CACHD1: variants seen among roughly 807,000 people sequenced by gnomAD.
CACHD1 encodes the protein cache domain containing 1, also known as VWFA and cache domain-containing protein 1.
Under a neutral mutation model 138.7 loss-of-function variants are expected in CACHD1, and 71 were observed. The observed-to-expected ratio is 0.51, with a 90% CI of 0.42 to 0.62. The LOEUF (loss-of-function observed/expected upper bound fraction) is 0.62. CACHD1 is among the 20% of genes least tolerant of loss of function. The pLI, the probability that CACHD1 is intolerant of heterozygous loss-of-function variation, is 0.00. For synonymous variants in CACHD1, 578 were observed against 591.5 expected, an observed-to-expected ratio of 0.98 and a Z score of 0.33; for missense variants, 1,389 against 1,625.3, an observed-to-expected ratio of 0.85 and a Z score of 2.50.
At chr1:64,582,827 A>G (rs1307266189) in intron 3 of CACHD1, among the ~76,000 whole-genome samples, 1 of 152,148 alleles carries the variant, frequency 6.6e-6, no homozygotes, top group Non-Finnish European at 1.5e-5. Flanking sequence ...CTGGAGGGGT[A>G]TAGGGCTATG....
At chr1:64,672,891 A>G (rs537096664) in intron 17 of CACHD1, among the ~76,000 whole-genome samples, 1 of 152,248 alleles carries the variant, frequency 6.6e-6, no homozygotes, top group South Asian at 2.1e-4. Flanking sequence ...GGACTGGGTG[A>G]GCGCATTCTG....
intron 10 of CACHD1, 121 bp downstream of exon 10, chr1:64,652,431 T>C (rs1167914808): frequency 5.9e-6 from 5 of 846,746 alleles, no homozygotes; most frequent in Non-Finnish European, 8.7e-6. Context: ...GTGACTAAGA[T>C]TGCTCATTTG....
chr1:64,559,159 G>A (rs1646820128), intron 2 of CACHD1, among the ~76,000 whole-genome samples: 1 of 152,138 alleles, frequency 6.6e-6, no homozygotes. Flanking sequence ...TATACCCAGA[G>A]GAATATAAGC....
intron 17 of CACHD1, among the ~76,000 whole-genome samples, chr1:64,672,406 G>A (rs1035883475): frequency 3.9e-5 from 6 of 152,070 alleles, no homozygotes; most frequent in Non-Finnish European, 5.9e-5. Context: ...CTTTGGTCTC[G>A]CTTTGTGAGG....
intron 19 of CACHD1, 108 bp from the exon 20 acceptor site, chr1:64,675,293 T>C (rs1249873771): frequency 8.5e-6 from 7 of 821,628 alleles, no homozygotes; most frequent in Non-Finnish European, 1.1e-5. Flanking sequence ...TCAGAAACAT[T>C]TTATTTTAAG....
chr1:64,555,612 G>A (rs1385427131), intron 2 of CACHD1, among the ~76,000 whole-genome samples: 1 of 152,038 alleles, frequency 6.6e-6, no homozygotes, highest in East Asian at 1.9e-4. Flanking sequence ...GTAGAGATGG[G>A]GTTTTGCCAT....
chr1:64,620,120 A>T (rs1282685666), intron 4 of CACHD1, among the ~76,000 whole-genome samples: 1 of 152,124 alleles, frequency 6.6e-6, no homozygotes, highest in Non-Finnish European at 1.5e-5. Context: ...GGCTGGCAGC[A>T]CCATATCTTA....
intron 2 of CACHD1, among the ~76,000 whole-genome samples, chr1:64,559,136 C>G (rs2100477693): frequency 6.6e-6 from 1 of 152,278 alleles, no homozygotes; most frequent in Non-Finnish European, 1.5e-5. Context: ...TCCAGCAATC[C>G]CATTATTGGG....
intron 2 of CACHD1, among the ~76,000 whole-genome samples, chr1:64,564,382 C>T (rs1264766047): frequency 6.6e-6 from 1 of 152,118 alleles, no homozygotes; most frequent in Non-Finnish European, 1.5e-5. Context: ...CTTGTGTCGC[C>T]ACCCCCTTCC....
At chr1:64,485,583 TG>T (rs1485534681) in intron 1 of CACHD1, among the ~76,000 whole-genome samples, 19 of 152,148 alleles carry the variant, frequency 1.2e-4, no homozygotes, top group Non-Finnish European at 2.5e-4. Flanking sequence ...TGTAGTTTTT[TG>T]TTTTGTTTTG....
At chr1:64,670,999 A>G (rs750868629) in intron 16 of CACHD1, among the ~76,000 whole-genome samples, 3 of 152,208 alleles carry the variant, frequency 2.0e-5, no homozygotes, top group African/African-American at 4.8e-5. Flanking sequence ...GCACTGGCCT[A>G]TGGACCAGGA....
At chr1:64,620,538 A>G (rs1647875225) in intron 4 of CACHD1, among the ~76,000 whole-genome samples, 1 of 152,302 alleles carries the variant, frequency 6.6e-6, no homozygotes, top group South Asian at 2.1e-4. Context: ...AATTAATGTA[A>G]CAATCCACAG....
At chr1:64,646,416 A>G (rs1173348524) in intron 8 of CACHD1, among the ~76,000 whole-genome samples, 1 of 152,166 alleles carries the variant, frequency 6.6e-6, no homozygotes, top group African/African-American at 2.4e-5. Flanking sequence ...AAGTTTATTT[A>G]AATATAATGT....
At chr1:64,535,602 G>A (rs1646626390) in intron 1 of CACHD1, among the ~76,000 whole-genome samples, 1 of 152,124 alleles carries the variant, frequency 6.6e-6, no homozygotes, top group Non-Finnish European at 1.5e-5. Flanking sequence ...TGGGATTACA[G>A]GCATGAGCCA....
At chr1:64,630,209 A>G (rs1648252444) in intron 5 of CACHD1, among the ~76,000 whole-genome samples, 1 of 152,176 alleles carries the variant, frequency 6.6e-6, no homozygotes, top group Admixed American at 6.5e-5. Flanking sequence ...TCTGGAGTCT[A>G]CACAATTACT....
Position 64,629,461 on chromosome 1 carries a change from C to A in CACHD1, c.624C>A (p.Gly208=). The part of the protein sequence containing the change: ...VFPAHKFRCK[G]SYEHRSRPIY... The stretch of plus-strand genomic sequence containing the variant: ...CAGCACACAAGTTCCGGTGTAAGGG[C>A]AGCTACGAACACCGCAGTAGGTATG... Residue 208 remains glycine, a synonymous_variant, in exon 5 of 27, where the codon GGC becomes GGA. Transcript: ENST00000651257. 6 of 1,614,050 alleles carry A rather than the reference C, an allele frequency of 3.7e-6. No homozygotes were observed. Among genetic ancestry groups the A allele is most frequent in the Non-Finnish European group, 5.1e-6 (6 of 1,179,930 alleles).
chr1:64,552,275 G>T (rs761917220), intron 2 of CACHD1, among the ~76,000 whole-genome samples: 1 of 152,002 alleles, frequency 6.6e-6, no homozygotes, highest in East Asian at 1.9e-4. Flanking sequence ...GAACATCAGG[G>T]CTAGGCAACT....
chr1:64,567,716 C>G (rs992113685), intron 2 of CACHD1, among the ~76,000 whole-genome samples: 1 of 152,164 alleles, frequency 6.6e-6, no homozygotes, highest in Non-Finnish European at 1.5e-5. Flanking sequence ...ACTTTTTCTG[C>G]TGCAAATTCA....
At chr1:64,628,559 A>G (rs1432676096) in intron 4 of CACHD1, among the ~76,000 whole-genome samples, 1 of 152,160 alleles carries the variant, frequency 6.6e-6, no homozygotes, top group Admixed American at 6.6e-5. Context: ...GGTGGTTGGC[A>G]CTTGGGCTGA....
Sources: allele counts gnomAD v4.1 joint callset (sites outside exome capture counted in the v4.1 genomes callset), GRCh38; gene constraint gnomAD v4.1.1; transcripts MANE v1.5; gene names NCBI Gene and HGNC (gene_info 2026-07-23, HGNC 2026-07-21).